Variants in GSE1 observed in about 807,000 individuals in gnomAD.
The protein encoded by GSE1 is Gse1 coiled-coil protein.
GSE1 carries 32 observed loss-of-function variants against 112.6 expected under a neutral mutation model. The observed-to-expected ratio is 0.28, with a 90% CI of 0.21 to 0.38. The LOEUF is 0.38. GSE1 is among the 10% of genes least tolerant of loss of function. The pLI, the probability that GSE1 is intolerant of heterozygous loss-of-function variation, is 1.00. For missense variants in GSE1, 2,348 were observed against 1,699.2 expected, an observed-to-expected ratio of 1.38 and a Z score of -6.71; for synonymous variants, 1,115 against 735.6, an observed-to-expected ratio of 1.52 and a Z score of -8.35.
chr16:85,188,115 C>T (rs1004736948), intron 1 of GSE1, among the ~76,000 whole-genome samples: 1 of 152,182 alleles, frequency 6.6e-6, no homozygotes, highest in Non-Finnish European at 1.5e-5. Context: ...GGATGGAAAC[C>T]TGCGAGTGGC....
intron 2 of GSE1, among the ~76,000 whole-genome samples, chr16:85,474,277 G>A (rs1258074702): frequency 3.3e-5 from 5 of 152,022 alleles, no homozygotes; most frequent in African/African-American, 1.2e-4. Flanking sequence ...CCACCCCGCC[G>A]GCCCGTGCTC....
At chr16:85,641,088 C>T (rs956308541) in intron 2 of GSE1, among the ~76,000 whole-genome samples, 3 of 152,238 alleles carry the variant, frequency 2.0e-5, no homozygotes, top group Non-Finnish European at 2.9e-5. Flanking sequence ...GGAGGCAAGG[C>T]CTCCCCTAGC....
chr16:85,589,476 G>A (rs1186345258), intron 1 of GSE1, among the ~76,000 whole-genome samples: 4 of 152,194 alleles, frequency 2.6e-5, no homozygotes, highest in South Asian at 2.1e-4. Flanking sequence ...GAGCCATGGC[G>A]GGAACCTGGT....
At chr16:85,589,731 GTGAA>G (rs1254802061) in intron 1 of GSE1, among the ~76,000 whole-genome samples, 1 of 152,146 alleles carries the variant, frequency 6.6e-6, no homozygotes, top group Non-Finnish European at 1.5e-5. Context: ...ATGTGACTGT[GTGAA>G]TGTGGATGAC....
At chr16:85,173,294 G>T (rs140647460) in intron 1 of GSE1, among the ~76,000 whole-genome samples, 1 of 152,352 alleles carries the variant, frequency 6.6e-6, no homozygotes, top group Non-Finnish European at 1.5e-5. Context: ...ATCTGAGGCA[G>T]ATTTCGAAAT....
At chr16:85,388,647 G>C (rs1213731782) in intron 2 of GSE1, among the ~76,000 whole-genome samples, 1 of 145,114 alleles carries the variant, frequency 6.9e-6, no homozygotes, top group Non-Finnish European at 1.5e-5. Context: ...TGTGTGGGTG[G>C]ATGGATGGAT....
At chr16:85,389,087 G>A (rs1488522711) in intron 2 of GSE1, among the ~76,000 whole-genome samples, 2 of 152,352 alleles carry the variant, frequency 1.3e-5, no homozygotes, top group East Asian at 1.9e-4. Context: ...CCCCAGCCAG[G>A]TCCTGGGGAG....
In GSE1 at chr16:85,661,747, C is replaced by T. The variant is rs748883371; in HGVS notation, c.2242C>T (p.Arg748Trp). Residue 748 changes from arginine to tryptophan, a missense_variant, in exon 9 of 16, where the codon CGG becomes TGG. By Grantham distance (101) the Arg-to-Trp change is moderately radical. Coordinates refer to ENST00000253458, the MANE Select transcript of GSE1 (RefSeq NM_014615.5). ...SKLDLEERRR[R>W]EAQEKGYYYD... The stretch of plus-strand genomic sequence containing the variant: ...GCTGGACCTGGAGGAGCGCAGGCGG[C>T]GGGAGGCCCAGGAGAAAGGTCTGCC... 14 of 1,540,238 alleles carry T rather than the reference C, an allele frequency of 9.1e-6. No homozygotes were observed. The highest frequency in any genetic ancestry group is 3.9e-5 in the Admixed American group (2 of 50,892).
At chr16:85,169,757 C>A (rs1017294342) in exon 1 of GSE1, 2 of 983,908 alleles carry the variant, frequency 2.0e-6, no homozygotes, top group African/African-American at 1.8e-5. Context: ...CGCGAGCTGT[C>A]CCCGGCCGAC....
chr16:85,344,587 G>A (rs1408305300), intron 1 of GSE1, among the ~76,000 whole-genome samples: 1 of 152,254 alleles, frequency 6.6e-6, no homozygotes, highest in African/African-American at 2.4e-5. Context: ...TGGCGGGCCA[G>A]GCCCTGTCCC....
At chr16:85,548,353 GTCT>G (rs1275215347) in intron 2 of GSE1, among the ~76,000 whole-genome samples, 7 of 151,730 alleles carry the variant, frequency 4.6e-5, no homozygotes, top group Non-Finnish European at 7.4e-5. Flanking sequence ...AGAACACTAG[GTCT>G]TCTTTTTTTT....
At chr16:85,509,588 A>T (rs1254525619) in intron 2 of GSE1, among the ~76,000 whole-genome samples, 1 of 152,212 alleles carries the variant, frequency 6.6e-6, no homozygotes, top group Non-Finnish European at 1.5e-5. Flanking sequence ...CGGGTGCCTG[A>T]TGACTGTGGA....
At chr16:85,445,775 G>C (rs1330164493) in intron 2 of GSE1, among the ~76,000 whole-genome samples, 1 of 152,198 alleles carries the variant, frequency 6.6e-6, no homozygotes, top group African/African-American at 2.4e-5. Context: ...TGGCTGGCCT[G>C]CTCCCATTGG....
At chr16:85,219,153 C>T (rs980545072) in intron 1 of GSE1, among the ~76,000 whole-genome samples, 1 of 152,188 alleles carries the variant, frequency 6.6e-6, no homozygotes, top group African/African-American at 2.4e-5. Context: ...ACTGGGATTA[C>T]AGGCATGAGC....
intron 1 of GSE1, among the ~76,000 whole-genome samples, chr16:85,328,170 AGAACATACGACAGCAGAGTTGGG>A (rs1368544835): frequency 6.6e-6 from 1 of 152,248 alleles, no homozygotes; most frequent in Non-Finnish European, 1.5e-5. Context: ...AGGCCAGGGC[AGAACATACGACAGCAGAGTTGGG>A]GGGCCAGGCC....
intron 1 of GSE1, among the ~76,000 whole-genome samples, chr16:85,573,015 G>A (rs759004096): frequency 6.6e-6 from 1 of 152,026 alleles, no homozygotes; most frequent in Admixed American, 6.5e-5. Flanking sequence ...GATTAGAGGC[G>A]CACGCCACCA....
chr16:85,611,627 C>A (rs899836243), upstream of GSE1: 2 of 353,806 alleles, frequency 5.7e-6, 1 homozygote, highest in Non-Finnish European at 7.9e-6. Flanking sequence ...GGGGCCGGCC[C>A]GCGTGCGCCC....
intron 1 of GSE1, among the ~76,000 whole-genome samples, chr16:85,251,041 C>T (rs900405354): frequency 1.4e-4 from 22 of 152,330 alleles, no homozygotes; most frequent in Non-Finnish European, 1.8e-4. Flanking sequence ...GGGTGTGCCA[C>T]GTCTCGTTAT....
At chr16:85,519,860 C>G (rs1196352847) in intron 2 of GSE1, among the ~76,000 whole-genome samples, 6 of 152,194 alleles carry the variant, frequency 3.9e-5, no homozygotes, top group African/African-American at 1.4e-4. Flanking sequence ...CTTCCTGAGA[C>G]TGGTGCTCTG....
Sources: allele counts gnomAD v4.1 joint callset (sites outside exome capture counted in the v4.1 genomes callset), GRCh38; gene constraint gnomAD v4.1.1; transcripts MANE v1.5; gene names NCBI Gene and HGNC (gene_info 2026-07-23, HGNC 2026-07-21).